Variants in ATE1 observed in about 807,000 individuals in gnomAD.
ATE1 encodes arginyl-tRNA--protein transferase 1.
In ATE1, 36 loss-of-function variants were observed where a neutral mutation model predicts 70.5. The observed-to-expected ratio is 0.51, with a 90% CI of 0.39 to 0.67. The LOEUF (loss-of-function observed/expected upper bound fraction) is 0.67. Ranked by LOEUF, ATE1 falls within the 30% of genes least tolerant of loss-of-function variation. The pLI is 0.00. For synonymous variants in ATE1, 232 were observed against 219.3 expected (o/e 1.06, Z -0.51); for missense variants, 593 against 629.5 (o/e 0.94, Z 0.62).
In ATE1 at chr10:121,902,373, A is replaced by G. The variant is rs550835457; in HGVS notation, c.813+18T>C. 1.9e-6 allele frequency: 3 copies of G among 1,593,504 alleles called. No homozygotes were observed. Among genetic ancestry groups the G allele is most frequent in the Admixed American group, 3.5e-5 (2 of 57,022 alleles). ...AAAAAATCATAATAAAACAAACAAC[A>G]AAAGTCCTCCAAAGTACCTCTAACT... On this transcript the variant is annotated intron_variant, in intron 6 of 11. Coordinates refer to ENST00000224652, the MANE Select transcript of ATE1 (RefSeq NM_001001976.3).
chr10:121,872,508 C>T (rs975001158), intron 7 of ATE1, among the ~76,000 whole-genome samples: 1 of 151,862 alleles, frequency 6.6e-6, no homozygotes, highest in African/African-American at 2.4e-5. Flanking sequence ...TCAGTAAAAC[C>T]CATTTTTTTT....
intron 8 of ATE1, among the ~76,000 whole-genome samples, chr10:121,847,756 CAA>C (rs34868723): frequency 4.7e-3 from 284 of 60,816 alleles, no homozygotes; most frequent in African/African-American, 0.013. Flanking sequence ...GACTCTGTCT[CAA>C]AAAAAAAAAA....
At chr10:121,831,358 A>C (rs1363316364) in intron 10 of ATE1, among the ~76,000 whole-genome samples, 1 of 152,192 alleles carries the variant, frequency 6.6e-6, no homozygotes, top group Non-Finnish European at 1.5e-5. Flanking sequence ...ATTAATATTT[A>C]TATTTACACT....
intron 7 of ATE1, chr10:121,898,732 C>G (rs1950867649): frequency 7.6e-7 from 1 of 1,308,582 alleles, no homozygotes. Flanking sequence ...CACAGAAGTT[C>G]AGTAATACAC....
intron 10 of ATE1, among the ~76,000 whole-genome samples, chr10:121,830,640 T>C (rs1012147499): frequency 1.4e-4 from 22 of 152,308 alleles, no homozygotes; most frequent in East Asian, 5.8e-4. Context: ...TTACCTAAAA[T>C]TACTCATTTT....
chr10:121,780,362 G>A (rs146545400), intron 11 of ATE1, among the ~76,000 whole-genome samples: 3 of 152,292 alleles, frequency 2.0e-5, no homozygotes, highest in Non-Finnish European at 2.9e-5. Context: ...ACCCAATTCT[G>A]TGGGTTCTAT....
Position 121,743,873 on chromosome 10 carries a change from A to T in ATE1, c.1379-15T>A. On this transcript the variant is annotated splice_polypyrimidine_tract_variant and intron_variant, in intron 11 of 11. Coordinates refer to ENST00000224652, the MANE Select transcript of ATE1 (RefSeq NM_001001976.3). ...ATCCTCATCCACTGCAACGACAAAA[A>T]ATACTGATTTGTAAAATGTCACATA... 1 of 1,575,112 alleles carries T rather than the reference A, an allele frequency of 6.3e-7. No homozygotes were observed. The highest frequency in any genetic ancestry group is 8.6e-7 in the Non-Finnish European group (1 of 1,165,486).
chr10:121,779,006 G>A (rs1945867472), intron 11 of ATE1, among the ~76,000 whole-genome samples: 1 of 151,960 alleles, frequency 6.6e-6, no homozygotes, highest in Non-Finnish European at 1.5e-5. Context: ...CAATACCATG[G>A]CCACATCTTG....
chr10:121,900,078 C>A, intron 6 of ATE1, 84 bp from the exon 7 acceptor site: 2 of 1,381,284 alleles, frequency 1.4e-6, no homozygotes, highest in Non-Finnish European at 9.8e-7. Context: ...AACTCCCATC[C>A]AAGAAACCAA....
intron 10 of ATE1, among the ~76,000 whole-genome samples, chr10:121,823,727 AAG>A (rs1228429755): frequency 6.6e-6 from 1 of 152,208 alleles, no homozygotes; most frequent in African/African-American, 2.4e-5. Flanking sequence ...GTTCATTGTA[AAG>A]AGAGAGATTA....
At chr10:121,915,271 G>A (rs1951602068) in intron 3 of ATE1, among the ~76,000 whole-genome samples, 2 of 152,184 alleles carry the variant, frequency 1.3e-5, no homozygotes, top group African/African-American at 4.8e-5. Context: ...GTAAAAATAT[G>A]ACAGGAGAAA....
At chr10:121,864,845 AG>A (rs1453460784) in intron 8 of ATE1, among the ~76,000 whole-genome samples, 18 of 152,050 alleles carry the variant, frequency 1.2e-4, no homozygotes, top group Admixed American at 1.2e-3. Context: ...TGCAACTCAG[AG>A]GGGTGAGTCC....
intron 5 of ATE1, among the ~76,000 whole-genome samples, chr10:121,908,105 C>T (rs548373235): frequency 7.2e-5 from 11 of 152,290 alleles, no homozygotes; most frequent in African/African-American, 2.4e-4. Flanking sequence ...ATTGCAACAG[C>T]AGTATGTTCA....
chr10:121,783,031 G>A (rs1432864918), intron 11 of ATE1, among the ~76,000 whole-genome samples: 1 of 152,058 alleles, frequency 6.6e-6, no homozygotes, highest in Non-Finnish European at 1.5e-5. Flanking sequence ...CATTAGTTTT[G>A]TCCCTCTAGG....
intron 3 of ATE1, among the ~76,000 whole-genome samples, chr10:121,916,323 T>C (rs962175968): frequency 1.3e-5 from 2 of 152,140 alleles, no homozygotes; most frequent in Non-Finnish European, 2.9e-5. Flanking sequence ...ACCGCACTTC[T>C]CAACAGTAAT....
chr10:121,811,381 G>A (rs547436653), intron 10 of ATE1, among the ~76,000 whole-genome samples: 3 of 152,306 alleles, frequency 2.0e-5, no homozygotes, highest in Admixed American at 6.5e-5. Flanking sequence ...CACTGTACCG[G>A]TATTCTTTGT....
intron 7 of ATE1, among the ~76,000 whole-genome samples, chr10:121,891,699 C>A (rs1453232692): frequency 6.6e-6 from 1 of 152,130 alleles, no homozygotes; most frequent in Non-Finnish European, 1.5e-5. Context: ...CAAAAAATAA[C>A]CTATTTTTCA....
chr10:121,901,614 G>A (rs1236039064), intron 6 of ATE1, among the ~76,000 whole-genome samples: 7 of 151,896 alleles, frequency 4.6e-5, no homozygotes, highest in African/African-American at 7.3e-5. Context: ...ACGCCACCAC[G>A]CCTGGCCAAT....
At chr10:121,798,495 T>C (rs188450276) in intron 10 of ATE1, among the ~76,000 whole-genome samples, 47 of 152,344 alleles carry the variant, frequency 3.1e-4, no homozygotes, top group Non-Finnish European at 3.5e-4. Context: ...AATGCCACTT[T>C]GGTGGGTAAC....
Sources: allele counts gnomAD v4.1 joint callset (sites outside exome capture counted in the v4.1 genomes callset), GRCh38; gene constraint gnomAD v4.1.1; transcripts MANE v1.5; gene names NCBI Gene and HGNC (gene_info 2026-07-23, HGNC 2026-07-21).